The following TNR variants were observed in gnomAD, a reference collection of about 807,000 sequenced individuals.
TNR encodes tenascin R, also known as tenascin-R.
In TNR, 45 loss-of-function variants were observed where a neutral mutation model predicts 150.4. The observed-to-expected ratio is 0.30, with a 90% CI of 0.24 to 0.38. TNR has a LOEUF of 0.38. TNR is among the 10% of genes least tolerant of loss of function. The pLI is 1.00. For synonymous variants in TNR, 687 were observed against 678.4 expected (o/e 1.01, Z -0.20); for missense variants, 1,544 against 1,759.1 (o/e 0.88, Z 2.19).
At chr1:175,484,181 A>C (rs1657917991) in intron 2 of TNR, among the ~76,000 whole-genome samples, 1 of 152,220 alleles carries the variant, frequency 6.6e-6, no homozygotes, top group African/African-American at 2.4e-5. Flanking sequence ...TTATTTACTT[A>C]CTGGGAAAAT....
chr1:175,714,360 A>G (rs1667096802), intron 1 of TNR, among the ~76,000 whole-genome samples: 1 of 152,200 alleles, frequency 6.6e-6, no homozygotes, highest in Non-Finnish European at 1.5e-5. Context: ...GCTTCAATAC[A>G]TAATTAAAAT....
intron 2 of TNR, among the ~76,000 whole-genome samples, chr1:175,451,964 A>G (rs10912983): frequency 0.36 from 55,451 of 151,980 alleles, 10,295 homozygotes; most frequent in East Asian, 0.58. Flanking sequence ...GAGAGTGGAC[A>G]TGTGCTTTGG....
chr1:175,410,656 G>A (rs1209805929), intron 2 of TNR, among the ~76,000 whole-genome samples: 1 of 152,200 alleles, frequency 6.6e-6, no homozygotes, highest in African/African-American at 2.4e-5. Context: ...GATGAATTGT[G>A]AGAGGAAGTG....
At chr1:175,668,289 C>T (rs1665590227) in intron 1 of TNR, among the ~76,000 whole-genome samples, 1 of 152,156 alleles carries the variant, frequency 6.6e-6, no homozygotes, top group African/African-American at 2.4e-5. Flanking sequence ...AGGATAGCCC[C>T]ACACGTTTTG....
At chr1:175,742,383 C>G (rs1667954275) in intron 1 of TNR, among the ~76,000 whole-genome samples, 1 of 152,178 alleles carries the variant, frequency 6.6e-6, no homozygotes, top group Admixed American at 6.5e-5. Context: ...TTGTTTTTCA[C>G]TGCCAAATGC....
At position 175,640,791 on chromosome 1, in the gene TNR, G is replaced by GTATATATA. The variant is rs59240572; in HGVS notation, c.-165+102427_-165+102434dup. ...AATATATATATGTGTGTGTGTGTGGGTATATATATATATATATATGATAAT... is the reference window on the plus strand; with the variant it reads ...AATATATATATGTGTGTGTGTGTGGGTATATATATATATATATATATATATATGATAAT... On this transcript the variant is annotated intron_variant, in intron 1 of 22. Transcript: ENST00000367674. 6.2e-3 allele frequency among the ~76,000 whole-genome samples: 891 copies of GTATATATA among 143,692 alleles called. 12 individuals carry two copies. Among genetic ancestry groups the GTATATATA allele is most frequent in the African/African-American group, 0.021 (808 of 38,776 alleles). The allele number at this position is 143,692 out of a possible 152,430, so 94.3% of individuals were successfully genotyped here.
chr1:175,566,137 G>A (rs1661633743), intron 1 of TNR, among the ~76,000 whole-genome samples: 1 of 152,190 alleles, frequency 6.6e-6, no homozygotes, highest in South Asian at 2.1e-4. Flanking sequence ...ATTAGCTTGG[G>A]AACATATCCC....
At chr1:175,432,582 C>T (rs944730035) in intron 2 of TNR, among the ~76,000 whole-genome samples, 2 of 152,068 alleles carry the variant, frequency 1.3e-5, no homozygotes, top group African/African-American at 4.8e-5. Context: ...TACTTTCCTT[C>T]TTTCATTTTC....
At chr1:175,694,584 C>T (rs191552611) in intron 1 of TNR, among the ~76,000 whole-genome samples, 90 of 152,274 alleles carry the variant, frequency 5.9e-4, no homozygotes, top group African/African-American at 2.1e-3. Context: ...ATACCAAAAT[C>T]CTTATGGGCT....
chr1:175,473,444 C>T (rs974501587), intron 2 of TNR, among the ~76,000 whole-genome samples: 1 of 152,202 alleles, frequency 6.6e-6, no homozygotes, highest in Non-Finnish European at 1.5e-5. Flanking sequence ...TTAGGACATG[C>T]TTCAGGCTGA....
intron 1 of TNR, among the ~76,000 whole-genome samples, chr1:175,729,690 C>T (rs1667581293): frequency 6.6e-6 from 1 of 151,954 alleles, no homozygotes; most frequent in Admixed American, 6.6e-5. Context: ...TCTATATTAC[C>T]AATTTGAGTG....
chr1:175,359,302 C>G (rs2285145), intron 15 of TNR, among the ~76,000 whole-genome samples: 48,607 of 151,402 alleles, frequency 0.32, 7,868 homozygotes, highest in Non-Finnish European at 0.34. Context: ...TGCACCACCA[C>G]TTCCGGCTAA....
chr1:175,696,987 C>T (rs1666549444), intron 1 of TNR, among the ~76,000 whole-genome samples: 1 of 151,724 alleles, frequency 6.6e-6, no homozygotes, highest in African/African-American at 2.4e-5. Context: ...GCTGGTTTGC[C>T]CTAGTTTACA....
At chr1:175,377,304 G>A (rs565958270) in intron 9 of TNR, among the ~76,000 whole-genome samples, 9 of 152,100 alleles carry the variant, frequency 5.9e-5, no homozygotes, top group Non-Finnish European at 1.0e-4. Context: ...TAACTAGGAC[G>A]TGGGGTTTTC....
chr1:175,720,194 G>C (rs1667261277), intron 1 of TNR, among the ~76,000 whole-genome samples: 1 of 152,184 alleles, frequency 6.6e-6, no homozygotes, highest in African/African-American at 2.4e-5. Context: ...GTAGGGCTCT[G>C]ATCAGATAGG....
chr1:175,646,510 G>A (rs1002437980), intron 1 of TNR, among the ~76,000 whole-genome samples: 2 of 152,160 alleles, frequency 1.3e-5, no homozygotes, highest in African/African-American at 2.4e-5. Context: ...CCCTTAAGAC[G>A]TTGCTGTTAA....
At chr1:175,665,424 G>C (rs12058780) in intron 1 of TNR, among the ~76,000 whole-genome samples, 2,891 of 152,270 alleles carry the variant, frequency 0.019, 85 homozygotes, top group African/African-American at 0.064. Context: ...AGGCAGGTGG[G>C]TGTGTGAAGA....
chr1:175,329,929 T>C, intron 21 of TNR, 145 bp downstream of exon 21: 1 of 922,322 alleles, frequency 1.1e-6, no homozygotes, highest in South Asian at 3.3e-5. Context: ...TGGTTCCCAG[T>C]GGCATGGCCC....
intron 1 of TNR, among the ~76,000 whole-genome samples, chr1:175,677,170 A>ACTG (rs1202930341): frequency 2.0e-5 from 3 of 152,244 alleles, no homozygotes. Context: ...ACATAACTGC[A>ACTG]CTGCTGTTCC....
Sources: gnomAD v4.1 joint callset for allele counts (sites outside exome capture counted in the v4.1 genomes callset) on GRCh38, gnomAD v4.1.1 for gene constraint, MANE v1.5 for transcripts, NCBI Gene and HGNC (gene_info 2026-07-23, HGNC 2026-07-21) for gene names.